The following USP32 variants were observed in gnomAD, a reference collection of about 807,000 sequenced individuals.
USP32 encodes the protein ubiquitin specific peptidase 32, also known as ubiquitin carboxyl-terminal hydrolase 32.
Under a neutral mutation model 204.8 loss-of-function variants are expected in USP32, and 59 were observed. The observed-to-expected ratio is 0.29, with a 90% confidence interval of 0.23 to 0.36. The LOEUF is 0.36. Ranked by LOEUF, USP32 falls within the 10% of genes least tolerant of loss-of-function variation. The pLI is 1.00. For missense variants in USP32, 1,160 were observed against 1,946.4 expected (o/e 0.60, Z 7.60); for synonymous variants, 517 against 678.4 (o/e 0.76, Z 3.70).
intron 1 of USP32, among the ~76,000 whole-genome samples, chr17:60,348,775 A>G (rs1161476942): frequency 6.6e-6 from 1 of 152,102 alleles, no homozygotes; most frequent in African/African-American, 2.4e-5. Flanking sequence ...TAAAAAAAAA[A>G]AAGATAAAGA....
At chr17:60,416,070 C>T (rs2090059668) in intron 1 of USP32, among the ~76,000 whole-genome samples, 2 of 152,120 alleles carry the variant, frequency 1.3e-5, no homozygotes, top group African/African-American at 4.8e-5. Flanking sequence ...GATCTCTTGA[C>T]CTCATGATCT....
At chr17:60,273,037 C>T (rs779175127) in intron 5 of USP32, among the ~76,000 whole-genome samples, 1 of 152,112 alleles carries the variant, frequency 6.6e-6, no homozygotes, top group Admixed American at 6.5e-5. Flanking sequence ...GGCGTGATCT[C>T]GGCTCACTGC....
chr17:60,373,175 T>G (rs2089474825), intron 1 of USP32, among the ~76,000 whole-genome samples: 1 of 152,052 alleles, frequency 6.6e-6, no homozygotes, highest in African/African-American at 2.4e-5. Context: ...CCTGGGTGAC[T>G]GAACAAGACC....
At chr17:60,419,667 A>AGCTT (rs1482052658) in intron 1 of USP32, among the ~76,000 whole-genome samples, 1 of 149,780 alleles carries the variant, frequency 6.7e-6, no homozygotes, top group East Asian at 2.0e-4. Flanking sequence ...CGGGAGGCGG[A>AGCTT]GCTTGCAGTG....
At chr17:60,192,470 T>C (rs189909789) in intron 28 of USP32, among the ~76,000 whole-genome samples, 156 of 152,304 alleles carry the variant, frequency 1.0e-3, no homozygotes, top group African/African-American at 3.6e-3. Flanking sequence ...AGTTTCGCTC[T>C]TGTTGCCCGG....
Position 60,207,122 on chromosome 17 carries a change from T to G in USP32, c.2936A>C (p.Gln979Pro). 1 of 1,610,580 alleles carries G rather than the reference T, an allele frequency of 6.2e-7. No homozygotes were observed. The highest frequency in any genetic ancestry group is 8.5e-7 in the Non-Finnish European group (1 of 1,178,442). Residue 979 changes from glutamine (Q) to proline (P), a missense_variant, in exon 25 of 34, where the codon CAG becomes CCG. Transcript: ENST00000300896. ...VHGSNIKNFP[Q>P]DNQKVRLSVS... ...TGAGAGTCGTACTTTTTGGTTGTCCTGAGGAAAGTTCTACAGAAACAGAAG... is the reference window on the plus strand; with the variant it reads ...TGAGAGTCGTACTTTTTGGTTGTCCGGAGGAAAGTTCTACAGAAACAGAAG...
rs576306776 is a variant in USP32 at position 60,335,945 on chromosome 17, A to T, written c.186+9536T>A. Among the ~76,000 whole-genome samples the T allele has an allele frequency of 3.4e-4, 49 of 143,168 alleles. 2 individuals carry two copies. Among genetic ancestry groups the T allele is most frequent in the Non-Finnish European group, 4.9e-4 (33 of 67,794 alleles). 93.9% of individuals were successfully genotyped at this position (143,168 alleles called of 152,430 possible). On this transcript the variant is annotated intron_variant, in intron 2 of 33. Coordinates refer to ENST00000300896, the MANE Select transcript of USP32 (RefSeq NM_032582.4). Reference sequence around the variant, plus strand: ...TTATTTTCCTTTATAATACCTATTAAGGATAGAAGTTTCTCATAAAGACTC... The same window carrying T: ...TTATTTTCCTTTATAATACCTATTATGGATAGAAGTTTCTCATAAAGACTC...
rs1343066959 is a variant in USP32, at chr17:60,213,152, T to A, written c.2104+429A>T. Among the ~76,000 whole-genome samples, 4 of 152,362 alleles carry A rather than the reference T, an allele frequency of 2.6e-5. No homozygotes were observed. In the East Asian group the frequency reaches 7.7e-4, roughly 29 times the overall value. ...TTAATGGCATGTGCATGCCAGTGTG[T>A]AAATCTATGAATATACAAATAGCTC... On this transcript the variant is annotated intron_variant, in intron 18 of 33. Coordinates refer to ENST00000300896, the MANE Select transcript of USP32 (RefSeq NM_032582.4).
intron 11 of USP32, among the ~76,000 whole-genome samples, chr17:60,237,844 T>C (rs1303053886): frequency 6.6e-6 from 1 of 152,244 alleles, no homozygotes; most frequent in Non-Finnish European, 1.5e-5. Flanking sequence ...GATGGATGTA[T>C]AGACTGTTTC....
intron 1 of USP32, among the ~76,000 whole-genome samples, chr17:60,357,915 T>C (rs1300456214): frequency 1.3e-5 from 2 of 152,086 alleles, no homozygotes; most frequent in African/African-American, 4.8e-5. Context: ...ATTACAGGCA[T>C]GTGCCACCAC....
intron 1 of USP32, among the ~76,000 whole-genome samples, chr17:60,419,892 C>T (rs1009575371): frequency 6.9e-6 from 1 of 145,664 alleles, no homozygotes; most frequent in Non-Finnish European, 1.5e-5. Context: ...CGGAGTCTTG[C>T]TCTGTTGCTC....
At chr17:60,383,058 C>T (rs377336439) in intron 1 of USP32, among the ~76,000 whole-genome samples, 11 of 151,946 alleles carry the variant, frequency 7.2e-5, no homozygotes, top group South Asian at 6.2e-4. Flanking sequence ...CCATCCTGGC[C>T]AACATGCTGA....
Position 60,299,143 on chromosome 17 carries a change from C to T in USP32, c.292+2456G>A, listed in dbSNP as rs556516660. Among the ~76,000 whole-genome samples, 63 of 152,216 alleles carry T rather than the reference C, an allele frequency of 4.1e-4. No homozygotes were observed. In the South Asian group the frequency reaches 0.012, roughly 30 times the overall value. On this transcript the variant is annotated intron_variant, in intron 3 of 33. Coordinates refer to ENST00000300896, the MANE Select transcript of USP32 (RefSeq NM_032582.4). ...AGAGTAAGGCTCTCTCCTCTGTCCCCTATCCCCTCCAAAAACAAAAACAAA... is the reference window on the plus strand; with the variant it reads ...AGAGTAAGGCTCTCTCCTCTGTCCCTTATCCCCTCCAAAAACAAAAACAAA...
intron 2 of USP32, among the ~76,000 whole-genome samples, chr17:60,314,393 T>C (rs934394987): frequency 2.0e-5 from 3 of 152,104 alleles, no homozygotes; most frequent in Admixed American, 2.0e-4. Flanking sequence ...TCCACTTGCT[T>C]AGGCCTCCCA....
chr17:60,256,808 T>C, intron 9 of USP32: 2 of 1,101,342 alleles, frequency 1.8e-6, no homozygotes, highest in Non-Finnish European at 2.3e-6. Flanking sequence ...TTTGAATTCA[T>C]ACTTATAGGT....
Position 60,252,446 on chromosome 17 carries a change from G to A in USP32, c.1075-4C>T. On this transcript the variant is annotated splice_polypyrimidine_tract_variant and splice_region_variant and intron_variant, in intron 10 of 33. Coordinates refer to ENST00000300896, the MANE Select transcript of USP32 (RefSeq NM_032582.4). ...ACCCCAGAACTATGTGACACACCTAGGGAAAAAAATGGTAAATCAAAGTTT... is the reference window on the plus strand; with the variant it reads ...ACCCCAGAACTATGTGACACACCTAAGGAAAAAAATGGTAAATCAAAGTTT... 1.2e-6 allele frequency: 2 copies of A among 1,601,760 alleles called. No homozygotes were observed. Among genetic ancestry groups the A allele is most frequent in the East Asian group, 2.3e-5 (1 of 44,280 alleles).
intron 12 of USP32, among the ~76,000 whole-genome samples, chr17:60,228,781 G>A (rs905991839): frequency 6.6e-6 from 1 of 151,756 alleles, no homozygotes; most frequent in Non-Finnish European, 1.5e-5. Flanking sequence ...TTGAGATCAT[G>A]CCACTGCACT....
chr17:60,322,896 T>A (rs1268454879), intron 2 of USP32, among the ~76,000 whole-genome samples: 1 of 152,116 alleles, frequency 6.6e-6, no homozygotes, highest in African/African-American at 2.4e-5. Flanking sequence ...GTCCATTTGA[T>A]CAAGAAATTT....
chr17:60,308,604 T>A (rs2087783729), intron 2 of USP32, among the ~76,000 whole-genome samples: 1 of 152,140 alleles, frequency 6.6e-6, no homozygotes, highest in African/African-American at 2.4e-5. Flanking sequence ...CAATAAATGG[T>A]GCTGAGAAAA....
Sources: allele counts gnomAD v4.1 joint callset (sites outside exome capture counted in the v4.1 genomes callset), GRCh38; gene constraint gnomAD v4.1.1; transcripts MANE v1.5; gene names NCBI Gene and HGNC (gene_info 2026-07-23, HGNC 2026-07-21).